The following NPAS3 variants were observed in gnomAD, a reference collection of about 807,000 sequenced individuals.
The protein encoded by NPAS3 is neuronal PAS domain-containing protein 3.
NPAS3 carries 14 observed loss-of-function variants against 73.1 expected under a neutral mutation model. The ratio of observed to expected loss-of-function variants is 0.19; its 90% CI spans 0.13 to 0.30. NPAS3 has a LOEUF of 0.30. Ranked by LOEUF, NPAS3 falls within the 10% of genes least tolerant of loss-of-function variation. NPAS3 has a pLI of 1.00. For missense variants in NPAS3, 1,096 were observed against 1,250.0 expected, an observed-to-expected ratio of 0.88 and a Z score of 1.86; for synonymous variants, 620 against 541.5, an observed-to-expected ratio of 1.14 and a Z score of -2.01.
In NPAS3 at chr14:33,485,436, C is replaced by T. The variant is rs555151729; in HGVS notation, c.469-74685C>T. On this transcript the variant is annotated intron_variant, in intron 4 of 11. Transcript: ENST00000356141. ...CAGGAAGATTGCTCGGTACCCATCC[C>T]ATCACAAACATAGCCACCAGTATTC... 1.4e-4 allele frequency among the ~76,000 whole-genome samples: 22 copies of T among 152,234 alleles called. No individual in the cohort carries two copies. The South Asian group carries it at 4.6e-3, about 32-fold the overall frequency.
chr14:33,690,098 G>A (rs2060193888), intron 6 of NPAS3, among the ~76,000 whole-genome samples: 2 of 152,252 alleles, frequency 1.3e-5, no homozygotes. Flanking sequence ...TACCCTGAAA[G>A]ACTAAGCAAG....
chr14:33,073,836 G>C (rs949733452), intron 2 of NPAS3, among the ~76,000 whole-genome samples: 1 of 152,242 alleles, frequency 6.6e-6, no homozygotes, highest in Non-Finnish European at 1.5e-5. Flanking sequence ...GGATGAGAGA[G>C]AGAGGCCAGC....
chr14:33,678,822 G>A (rs572791735), intron 6 of NPAS3, among the ~76,000 whole-genome samples: 7 of 150,784 alleles, frequency 4.6e-5, no homozygotes, highest in Admixed American at 3.3e-4. Context: ...GTCTAAATAC[G>A]ACAGCAAGCC....
At chr14:33,151,103 G>T (rs1295885231) in intron 2 of NPAS3, among the ~76,000 whole-genome samples, 1 of 152,194 alleles carries the variant, frequency 6.6e-6, no homozygotes, top group Non-Finnish European at 1.5e-5. Context: ...GAAGAAAGAA[G>T]AAAGATAACT....
intron 4 of NPAS3, among the ~76,000 whole-genome samples, chr14:33,384,407 T>C (rs1013257668): frequency 2.4e-4 from 36 of 151,624 alleles, no homozygotes; most frequent in African/African-American, 8.2e-4. Context: ...GTTTTTAATG[T>C]TTCTGTGTTT....
rs2040446328 is a variant in NPAS3 at position 33,044,668 on chromosome 14, T to G, written c.51-11237T>G. Among the ~76,000 whole-genome samples, 6 of 151,270 alleles carry G rather than the reference T, an allele frequency of 4.0e-5. No individual in the cohort carries two copies. In the South Asian group the frequency reaches 1.3e-3, roughly 32 times the overall value. On this transcript the variant is annotated intron_variant, in intron 1 of 11. Transcript: ENST00000356141. ...TGAGTTAGTTTGTTTTTTTTTTTTT[T>G]GGCGGGGAGGGCAGAAGAGTAAACC...
intron 1 of NPAS3, among the ~76,000 whole-genome samples, chr14:33,022,719 T>A (rs2039653956): frequency 6.6e-6 from 1 of 151,828 alleles, no homozygotes; most frequent in Admixed American, 6.6e-5. Context: ...CCCAACTCAT[T>A]GTTTATTTAG....
intron 5 of NPAS3, among the ~76,000 whole-genome samples, chr14:33,585,532 G>A (rs2056831335): frequency 6.6e-6 from 1 of 152,140 alleles, no homozygotes; most frequent in Admixed American, 6.5e-5. Flanking sequence ...TGATCTTTTG[G>A]ATTGAAATAA....
chr14:32,953,090 A>G (rs1032752488), intron 1 of NPAS3, among the ~76,000 whole-genome samples: 25 of 151,546 alleles, frequency 1.6e-4, no homozygotes, highest in African/African-American at 6.1e-4. Flanking sequence ...CATCAAACAA[A>G]AAGCAAACAA....
At chr14:33,646,382 C>G (rs1353524774) in intron 5 of NPAS3, among the ~76,000 whole-genome samples, 1 of 152,008 alleles carries the variant, frequency 6.6e-6, no homozygotes, top group African/African-American at 2.4e-5. Context: ...CATTTTCTCT[C>G]CAGCCTTAGA....
chr14:33,499,327 G>T (rs987728270), intron 4 of NPAS3, among the ~76,000 whole-genome samples: 3 of 151,688 alleles, frequency 2.0e-5, no homozygotes, highest in Non-Finnish European at 4.4e-5. Flanking sequence ...TCTTCCTTTT[G>T]TGAATGCCCT....
intron 4 of NPAS3, among the ~76,000 whole-genome samples, chr14:33,379,554 G>A (rs114591041): frequency 4.9e-4 from 74 of 152,258 alleles, no homozygotes; most frequent in African/African-American, 1.7e-3. Flanking sequence ...TAGGAATGAC[G>A]TGGAATAGGG....
chr14:33,320,015 A>C (rs1231763287), intron 3 of NPAS3, among the ~76,000 whole-genome samples: 1 of 152,194 alleles, frequency 6.6e-6, no homozygotes, highest in African/African-American at 2.4e-5. Flanking sequence ...TTTAAGGGAA[A>C]GAGAGATTCC....
Position 33,167,538 on chromosome 14 carries a change from T to C in NPAS3, c.141-47644T>C, listed in dbSNP as rs1483443473. 2.0e-5 allele frequency among the ~76,000 whole-genome samples: 3 copies of C among 152,246 alleles called. No individual in the cohort carries two copies. The East Asian group carries it at 5.8e-4, about 29-fold the overall frequency. On this transcript the variant is annotated intron_variant, in intron 2 of 11. Transcript: ENST00000356141. ...CTGTTGAAATCTGAAATGTGTGGAC[T>C]ACAAAATGTTGTATTCATTGAGTAT...
At chr14:33,747,480 C>A (rs1026635179) in intron 7 of NPAS3, among the ~76,000 whole-genome samples, 10 of 152,140 alleles carry the variant, frequency 6.6e-5, no homozygotes, top group Non-Finnish European at 1.5e-4. Context: ...CTAGGGATGC[C>A]CCCCATCCCA....
chr14:33,052,058 C>T (rs2040730283), intron 1 of NPAS3, among the ~76,000 whole-genome samples: 1 of 152,136 alleles, frequency 6.6e-6, no homozygotes, highest in African/African-American at 2.4e-5. Flanking sequence ...CGTGCCTGGC[C>T]ATGAATTACA....
chr14:33,156,048 G>C (rs2044634962), intron 2 of NPAS3, among the ~76,000 whole-genome samples: 1 of 152,146 alleles, frequency 6.6e-6, no homozygotes, highest in African/African-American at 2.4e-5. Context: ...CAAGGGGGAG[G>C]CCTAGGTGAT....
At chr14:33,215,372 G>C (rs201385420) in exon 3 of NPAS3, 6 of 1,613,620 alleles carry the variant, frequency 3.7e-6, no homozygotes, top group Non-Finnish European at 5.1e-6. Context: ...TAACCAGGGG[G>C]ACCCTCCGTG....
intron 5 of NPAS3, among the ~76,000 whole-genome samples, chr14:33,670,761 A>G (rs757317278): frequency 2.0e-5 from 3 of 151,992 alleles, no homozygotes; most frequent in Non-Finnish European, 4.4e-5. Context: ...TTTAGTTTCC[A>G]AGCCACTTAC....
Sources: gnomAD v4.1 joint callset for allele counts (sites outside exome capture counted in the v4.1 genomes callset) on GRCh38, gnomAD v4.1.1 for gene constraint, MANE v1.5 for transcripts, NCBI Gene and HGNC (gene_info 2026-07-23, HGNC 2026-07-21) for gene names.